The following AFF2 variants were observed in gnomAD, a reference collection of about 807,000 sequenced individuals.
AFF2 encodes ALF transcription elongation factor 2.
A neutral mutation model predicts 76.9 loss-of-function variants in AFF2; 14 were observed. The observed-to-expected ratio is 0.18, with a 90% CI of 0.12 to 0.28. The LOEUF is 0.28. Among genes scored for constraint, AFF2 ranks in the 10% least tolerant of loss-of-function variants. AFF2 has a pLI of 1.00. For synonymous variants in AFF2, 398 were observed against 366.7 expected (o/e 1.09, Z -0.98); for missense variants, 868 against 1,001.1 (o/e 0.87, Z 1.79).
At chrX:148,738,203 T>C (rs1200527916) in intron 3 of AFF2, among the ~76,000 whole-genome samples, 1 of 111,634 alleles carries the variant, frequency 9.0e-6, no homozygotes, top group African/African-American at 3.3e-5. Context: ...TACCAATTCT[T>C]CTTTAAATGT....
intron 9 of AFF2, among the ~76,000 whole-genome samples, chrX:148,940,694 T>C (rs1557285476): frequency 9.0e-6 from 1 of 111,622 alleles, no homozygotes; most frequent in African/African-American, 3.3e-5. Context: ...GCTATTGATC[T>C]AGTTGTAAGC....
intron 1 of AFF2, among the ~76,000 whole-genome samples, chrX:148,576,642 C>T (rs782575243): frequency 1.5e-4 from 17 of 110,949 alleles, no homozygotes; most frequent in Non-Finnish European, 2.6e-4. Context: ...GTCATGGAAA[C>T]CCAAGCAGTG....
intron 3 of AFF2, among the ~76,000 whole-genome samples, chrX:148,666,967 G>C (rs2054366838): frequency 8.9e-6 from 1 of 112,113 alleles, no homozygotes; most frequent in South Asian, 3.6e-4. Flanking sequence ...GCACATGAAA[G>C]GATTGATATC....
intron 7 of AFF2, among the ~76,000 whole-genome samples, chrX:148,870,736 T>C (rs2070963673): frequency 8.9e-6 from 1 of 112,286 alleles, no homozygotes; most frequent in Non-Finnish European, 1.9e-5. Flanking sequence ...AATTTGGTCC[T>C]GATAGGTGGG....
chrX:148,842,877 C>A, intron 5 of AFF2, 89 bp from the exon 6 acceptor site: 1 of 749,294 alleles, frequency 1.3e-6, no homozygotes, highest in South Asian at 3.8e-5. Flanking sequence ...AAACATTAGT[C>A]AACTATATCT....
At chrX:148,792,825 C>T (rs1314333121) in intron 3 of AFF2, among the ~76,000 whole-genome samples, 2 of 110,171 alleles carry the variant, frequency 1.8e-5, no homozygotes, top group African/African-American at 6.8e-5. Flanking sequence ...ATTAGGGTTA[C>T]ATGAATGAAA....
chrX:148,990,125 G>A (rs977817129), intron 20 of AFF2, among the ~76,000 whole-genome samples: 14 of 112,236 alleles, frequency 1.2e-4, no homozygotes, highest in African/African-American at 4.2e-4. Flanking sequence ...GCATAGTACA[G>A]GTTAAAAAGT....
chrX:148,561,113 T>C (rs187153883), intron 1 of AFF2, among the ~76,000 whole-genome samples: 14 of 112,481 alleles, frequency 1.2e-4, no homozygotes, highest in African/African-American at 3.9e-4. Context: ...AGCCAGACAT[T>C]TTGTAGGTAA....
intron 3 of AFF2, among the ~76,000 whole-genome samples, chrX:148,781,684 A>G (rs1223047351): frequency 8.9e-6 from 1 of 111,738 alleles, no homozygotes; most frequent in Admixed American, 9.4e-5. Context: ...CCCTGGCTTC[A>G]GCCTTCTTTC....
intron 19 of AFF2, among the ~76,000 whole-genome samples, chrX:148,981,286 T>C (rs1295469143): frequency 6.3e-5 from 7 of 111,548 alleles, no homozygotes; most frequent in Non-Finnish European, 1.3e-4. Flanking sequence ...GCATCCACTA[T>C]AATGCTGATT....
At chrX:148,754,138 T>C (rs2055533573) in intron 3 of AFF2, among the ~76,000 whole-genome samples, 1 of 111,538 alleles carries the variant, frequency 9.0e-6, no homozygotes, top group African/African-American at 3.3e-5. Context: ...TAAAACTATT[T>C]TCCAAATCCT....
In AFF2 at chrX:148,895,028, C is replaced by T. The variant is rs138242969; in HGVS notation, c.1359+9043C>T. ...TCCCCCTCCTGTGGAGTCTGCAGTC[C>T]GGATTCATGCCCTTCCCCAAGTTCT... On this transcript the variant is annotated intron_variant, in intron 8 of 20. Transcript: ENST00000370460. 7.2e-3 allele frequency among the ~76,000 whole-genome samples: 798 copies of T among 111,214 alleles called. 6 individuals carry two copies. Among genetic ancestry groups the T allele is most frequent in the Non-Finnish European group, 9.9e-3 (524 of 52,993 alleles).
rs1036505763 is a variant in AFF2 at position 148,579,066 on chromosome X, G to A, written c.48-72933G>A. Among the ~76,000 whole-genome samples, 10 of 111,968 alleles carry A rather than the reference G, an allele frequency of 8.9e-5. 1 individual carries two copies. The highest frequency in any genetic ancestry group is 5.6e-5 in the Non-Finnish European group (3 of 53,139). Reference sequence around the variant, plus strand: ...TGCCTGTTAGCATGGCAGCTAAGTTGTTTTGAAGCATCAGACATTAGGGCT... The same window carrying A: ...TGCCTGTTAGCATGGCAGCTAAGTTATTTTGAAGCATCAGACATTAGGGCT... On this transcript the variant is annotated intron_variant, in intron 1 of 20. Coordinates refer to ENST00000370460, the MANE Select transcript of AFF2 (RefSeq NM_002025.4).
intron 1 of AFF2, chrX:148,546,755 C>G (rs1042213164): frequency 3.6e-5 from 4 of 112,022 alleles, no homozygotes; most frequent in Admixed American, 9.4e-5. Context: ...AATAGTAAAC[C>G]AAGTCTTGAG....
chrX:148,970,148 T>C (rs782440607), intron 15 of AFF2, among the ~76,000 whole-genome samples: 9 of 112,175 alleles, frequency 8.0e-5, no homozygotes, highest in Admixed American at 5.7e-4. Flanking sequence ...AAGTACCTAG[T>C]TTGCATATAT....
chrX:148,968,288 A>G (rs1170094121), intron 15 of AFF2, among the ~76,000 whole-genome samples: 2 of 111,543 alleles, frequency 1.8e-5, no homozygotes, highest in African/African-American at 3.3e-5. Context: ...TAAGCTCAAC[A>G]TTTTGAGTTG....
intron 3 of AFF2, among the ~76,000 whole-genome samples, chrX:148,709,370 C>T (rs2054931411): frequency 9.0e-6 from 1 of 111,305 alleles, no homozygotes. Flanking sequence ...TCCTTGGCAC[C>T]TGGAACAGTC....
intron 1 of AFF2, among the ~76,000 whole-genome samples, chrX:148,537,836 G>T (rs1414706926): frequency 8.9e-6 from 1 of 111,875 alleles, no homozygotes; most frequent in Non-Finnish European, 1.9e-5. Context: ...AAAGGCAGTG[G>T]GTTAGGGAGA....
chrX:148,919,260 C>T (rs1012083449), intron 9 of AFF2, among the ~76,000 whole-genome samples: 1 of 111,040 alleles, frequency 9.0e-6, no homozygotes, highest in Non-Finnish European at 1.9e-5. Flanking sequence ...AAAAAGCAAC[C>T]CTGTGCAATA....
Sources: gnomAD v4.1 joint callset for allele counts (sites outside exome capture counted in the v4.1 genomes callset) on GRCh38, gnomAD v4.1.1 for gene constraint, MANE v1.5 for transcripts, NCBI Gene and HGNC (gene_info 2026-07-23, HGNC 2026-07-21) for gene names.